Variants in ZFHX3 observed in about 807,000 individuals in gnomAD.
ZFHX3 encodes zinc finger homeobox protein 3.
Under a neutral mutation model 279.1 loss-of-function variants are expected in ZFHX3, and 42 were observed. The ratio of observed to expected loss-of-function variants is 0.15; its 90% confidence interval spans 0.12 to 0.19. The LOEUF is 0.19. ZFHX3 is among the 10% of genes least tolerant of loss of function. The probability of loss-of-function intolerance (pLI) is 1.00; values close to 1 mark genes in which losing one functional copy is unlikely to be tolerated. For missense variants in ZFHX3, 4,981 were observed against 4,754.0 expected (o/e 1.05, Z -1.40); for synonymous variants, 2,293 against 1,957.8 (o/e 1.17, Z -4.52).
chr16:73,322,657 G>A (rs1252911858), intron 3 of ZFHX3, among the ~76,000 whole-genome samples: 1 of 152,204 alleles, frequency 6.6e-6, no homozygotes, highest in Non-Finnish European at 1.5e-5. Context: ...TGTGGTGAGA[G>A]CTATGCTGGG....
intron 7 of ZFHX3, chr16:73,125,196 CT>C (rs1966548419): frequency 1.1e-5 from 1 of 89,660 alleles, no homozygotes; most frequent in East Asian, 2.6e-4. Flanking sequence ...AGGAATTGAG[CT>C]GTTTTTTTTT....
chr16:72,863,835 A>G (rs1302801942), intron 4 of ZFHX3, among the ~76,000 whole-genome samples: 3 of 152,172 alleles, frequency 2.0e-5, no homozygotes, highest in Non-Finnish European at 4.4e-5. Context: ...GGAACACAGA[A>G]GGTTCATTTT....
chr16:73,834,532 T>C (rs1234669339), intron 1 of ZFHX3, among the ~76,000 whole-genome samples: 1 of 152,218 alleles, frequency 6.6e-6, no homozygotes, highest in African/African-American at 2.4e-5. Flanking sequence ...GCATCTGCCA[T>C]GTCAGAGTTA....
At chr16:73,739,269 TG>T (rs1336127116) in intron 1 of ZFHX3, among the ~76,000 whole-genome samples, 1 of 152,142 alleles carries the variant, frequency 6.6e-6, no homozygotes, top group African/African-American at 2.4e-5. Context: ...GTTGACTCAG[TG>T]GTTGGAATCC....
intron 3 of ZFHX3, among the ~76,000 whole-genome samples, chr16:72,900,286 G>A (rs1488359962): frequency 2.6e-5 from 4 of 152,162 alleles, no homozygotes; most frequent in Admixed American, 6.5e-5. Flanking sequence ...CGGCTGAAAT[G>A]CCTGGAAGAC....
intron 3 of ZFHX3, among the ~76,000 whole-genome samples, chr16:73,399,843 T>TG (rs1221546538): frequency 8.8e-6 from 1 of 113,702 alleles, no homozygotes; most frequent in African/African-American, 3.9e-5. Context: ...GTGTGGTGTG[T>TG]GTGTGTGTGT....
chr16:72,970,292 T>C (rs1214706567), intron 1 of ZFHX3, among the ~76,000 whole-genome samples: 1 of 151,800 alleles, frequency 6.6e-6, no homozygotes, highest in Non-Finnish European at 1.5e-5. Context: ...AATATAATAA[T>C]AAAAAGCAAG....
intron 2 of ZFHX3, among the ~76,000 whole-genome samples, chr16:73,542,651 TG>T (rs548892247): frequency 2.8e-4 from 42 of 152,352 alleles, no homozygotes; most frequent in Admixed American, 5.9e-4. Flanking sequence ...GGAATCTGCA[TG>T]GGGTTGCCAG....
intron 2 of ZFHX3, among the ~76,000 whole-genome samples, chr16:73,511,426 C>T (rs193180619): frequency 6.6e-6 from 1 of 152,314 alleles, no homozygotes; most frequent in South Asian, 2.1e-4. Context: ...AGTAGCATCC[C>T]AGTCCTAAGA....
At chr16:72,800,447 A>G (rs2036061624) in intron 7 of ZFHX3, among the ~76,000 whole-genome samples, 1 of 152,214 alleles carries the variant, frequency 6.6e-6, no homozygotes, top group Non-Finnish European at 1.5e-5. Flanking sequence ...TTCTTGTGCA[A>G]CCAATTAGGT....
chr16:73,463,093 G>A (rs2018500070), intron 2 of ZFHX3, among the ~76,000 whole-genome samples: 1 of 152,172 alleles, frequency 6.6e-6, no homozygotes. Context: ...TGCAAGGTCT[G>A]AAGTCTATAA....
chr16:73,723,225 C>T (rs1311858753), intron 1 of ZFHX3, among the ~76,000 whole-genome samples: 3 of 151,990 alleles, frequency 2.0e-5, no homozygotes, highest in East Asian at 1.9e-4. Context: ...TACAGGTGAA[C>T]CAAACTTGTA....
In ZFHX3 at chr16:73,555,730, G is replaced by A. The variant is rs186976249; in HGVS notation, c.-1546-99472C>T. Among the ~76,000 whole-genome samples, 27 of 152,002 alleles carry A rather than the reference G, an allele frequency of 1.8e-4. 1 individual carries two copies. The highest frequency in any genetic ancestry group is 6.5e-4 in the African/African-American group (27 of 41,490). ...ACCTGTAATCCCAGCTACTGAGCAGGCTGAGGCAGGAGAATCACTGGAACT... is the reference window on the plus strand; with the variant it reads ...ACCTGTAATCCCAGCTACTGAGCAGACTGAGGCAGGAGAATCACTGGAACT... On this transcript the variant is annotated intron_variant, in intron 2 of 17. Transcript: ENST00000641206.
chr16:73,156,155 C>T (rs1234844646), intron 5 of ZFHX3, among the ~76,000 whole-genome samples: 2 of 150,164 alleles, frequency 1.3e-5, no homozygotes, highest in Non-Finnish European at 3.0e-5. Flanking sequence ...TGGTGTGAAC[C>T]CGGGAGGCAG....
chr16:73,793,814 C>G (rs558976744), intron 1 of ZFHX3, among the ~76,000 whole-genome samples: 12 of 152,276 alleles, frequency 7.9e-5, no homozygotes, highest in Non-Finnish European at 1.3e-4. Context: ...TCAGCAGAGA[C>G]GCTGGCATGT....
chr16:73,622,239 A>T (rs1038567753), intron 2 of ZFHX3, among the ~76,000 whole-genome samples: 3 of 152,144 alleles, frequency 2.0e-5, no homozygotes, highest in African/African-American at 4.8e-5. Context: ...CCTGAAGCTT[A>T]CAGAATTTGG....
At chr16:73,181,149 G>A (rs1967785616) in intron 5 of ZFHX3, among the ~76,000 whole-genome samples, 1 of 151,740 alleles carries the variant, frequency 6.6e-6, no homozygotes, top group African/African-American at 2.4e-5. Context: ...TTGCCAGGCT[G>A]GAGTGCAGTG....
chr16:73,363,931 G>T (rs956818600), intron 3 of ZFHX3, among the ~76,000 whole-genome samples: 1 of 152,136 alleles, frequency 6.6e-6, no homozygotes, highest in Non-Finnish European at 1.5e-5. Context: ...CCCGCACTTT[G>T]GGAGGCCAAG....
intron 1 of ZFHX3, among the ~76,000 whole-genome samples, chr16:73,689,076 C>T (rs1399449215): frequency 6.6e-6 from 1 of 152,196 alleles, no homozygotes; most frequent in African/African-American, 2.4e-5. Context: ...CCAAACAAAA[C>T]TTACTGGGTT....
Sources: allele counts gnomAD v4.1 joint callset (sites outside exome capture counted in the v4.1 genomes callset), GRCh38; gene constraint gnomAD v4.1.1; transcripts MANE v1.5; gene names NCBI Gene and HGNC (gene_info 2026-07-23, HGNC 2026-07-21).